The following GPC3 variants were observed in gnomAD, a reference collection of about 807,000 sequenced individuals.
GPC3 encodes glypican-3.
A neutral mutation model predicts 34.4 loss-of-function variants in GPC3; 3 were observed. That is an observed-to-expected ratio of 0.09 (90% CI 0.04 to 0.23). GPC3 has a LOEUF of 0.23. GPC3 is among the 10% of genes least tolerant of loss of function. The pLI is 1.00. For missense variants in GPC3, 351 were observed against 445.6 expected, an observed-to-expected ratio of 0.79 and a Z score of 1.91; for synonymous variants, 177 against 174.0, an observed-to-expected ratio of 1.02 and a Z score of -0.13.
intron 7 of GPC3, among the ~76,000 whole-genome samples, chrX:133,554,049 G>C (rs111647140): frequency 0.055 from 5,766 of 105,200 alleles, 420 homozygotes; most frequent in African/African-American, 0.19. Context: ...GAGTCTTACT[G>C]TGTCGCCAGG....
Position 133,795,452 on chromosome X carries a change from G to C in GPC3, c.338-41276C>G, listed in dbSNP as rs762154697. Among the ~76,000 whole-genome samples, 3 of 111,539 alleles carry C rather than the reference G, an allele frequency of 2.7e-5. No homozygotes were observed. In the East Asian group the frequency reaches 8.5e-4, roughly 32 times the overall value. On this transcript the variant is annotated intron_variant, in intron 2 of 7. Coordinates refer to ENST00000370818, the MANE Select transcript of GPC3 (RefSeq NM_004484.4). Reference sequence around the variant, plus strand: ...GTCCCAATTCCAAATTCATGTTGCAGTGCCTGGTCAAGGTGGGGCGAGACA... The same window carrying C: ...GTCCCAATTCCAAATTCATGTTGCACTGCCTGGTCAAGGTGGGGCGAGACA...
chrX:133,642,772 C>CAA lies in GPC3; in HGVS notation c.1413+18956_1413+18957dup, dbSNP rs375514321. 1.5e-3 allele frequency among the ~76,000 whole-genome samples: 38 copies of CAA among 25,536 alleles called. No individual in the cohort carries two copies. The South Asian group carries it at 0.018, about 12-fold the overall frequency. 22.2% of individuals were successfully genotyped at this position (25,536 alleles called of 115,157 possible). A position where few individuals can be genotyped will look rare whatever the true frequency, so the allele number is the denominator to read the frequency against. Reference sequence around the variant, plus strand: ...GGGCAACAAGAGTGAAACTACGTCTCAAAAAAAAAAAAAAAAAAAAAGAAA... The same window carrying CAA: ...GGGCAACAAGAGTGAAACTACGTCTCAAAAAAAAAAAAAAAAAAAAAAAGAAA... On this transcript the variant is annotated intron_variant, in intron 6 of 7. Transcript: ENST00000370818.
chrX:133,977,678 G>C (rs2076522316), intron 1 of GPC3, among the ~76,000 whole-genome samples: 1 of 111,892 alleles, frequency 8.9e-6, no homozygotes, highest in Admixed American at 9.5e-5. Context: ...AAGGAGAAGA[G>C]TATGCAAATA....
intron 2 of GPC3, among the ~76,000 whole-genome samples, chrX:133,793,321 G>A (rs1489839748): frequency 8.9e-6 from 1 of 111,752 alleles, no homozygotes; most frequent in African/African-American, 3.3e-5. Flanking sequence ...TAATGTGTAT[G>A]GGCATATGCA....
intron 2 of GPC3, among the ~76,000 whole-genome samples, chrX:133,803,978 C>CCACACACACA (rs10571712): frequency 4.2e-5 from 4 of 94,295 alleles, no homozygotes; most frequent in African/African-American, 1.6e-4. Context: ...TGAGATAAAT[C>CCACACACACA]CACACACACA....
At chrX:133,860,115 A>C (rs1307860169) in intron 2 of GPC3, among the ~76,000 whole-genome samples, 1 of 111,724 alleles carries the variant, frequency 9.0e-6, no homozygotes, top group Non-Finnish European at 1.9e-5. Context: ...CAACTCTAAC[A>C]CGGGATCAGA....
chrX:133,845,014 G>T (rs1399093037), intron 2 of GPC3, among the ~76,000 whole-genome samples: 2 of 111,553 alleles, frequency 1.8e-5, no homozygotes, highest in Non-Finnish European at 3.8e-5. Flanking sequence ...ACAGCAGAAG[G>T]AACAGAAATA....
At chrX:133,818,194 T>C (rs2124533075) in intron 2 of GPC3, among the ~76,000 whole-genome samples, 1 of 111,455 alleles carries the variant, frequency 9.0e-6, no homozygotes, top group East Asian at 2.8e-4. Context: ...AGTGGTATGG[T>C]CCAAGATCAA....
chrX:133,861,625 C>T (rs1436774971), intron 2 of GPC3, among the ~76,000 whole-genome samples: 1 of 111,482 alleles, frequency 9.0e-6, no homozygotes. Context: ...GAAATGTAAT[C>T]CCTAGTGTTG....
intron 2 of GPC3, among the ~76,000 whole-genome samples, chrX:133,943,268 G>A (rs2076352335): frequency 8.9e-6 from 1 of 112,230 alleles, no homozygotes; most frequent in Non-Finnish European, 1.9e-5. Context: ...TACGTAACTA[G>A]TGAGTAACAA....
intron 2 of GPC3, among the ~76,000 whole-genome samples, chrX:133,911,382 C>T (rs181282108): frequency 1.9e-4 from 21 of 112,107 alleles, no homozygotes; most frequent in Admixed American, 1.1e-3. Context: ...GGTTAACATC[C>T]TGGAAAACAC....
At chrX:133,615,822 T>C (rs1398429220) in intron 6 of GPC3, among the ~76,000 whole-genome samples, 2 of 108,800 alleles carry the variant, frequency 1.8e-5, no homozygotes, top group African/African-American at 6.7e-5. Flanking sequence ...ATTATCACAA[T>C]AGATGCAGAA....
chrX:133,932,334 A>C (rs944758562), intron 2 of GPC3, among the ~76,000 whole-genome samples: 1 of 112,202 alleles, frequency 8.9e-6, no homozygotes, highest in Non-Finnish European at 1.9e-5. Context: ...GAAAACCATA[A>C]GGGTAAAGCT....
intron 2 of GPC3, among the ~76,000 whole-genome samples, chrX:133,782,567 T>C (rs1365329905): frequency 8.9e-6 from 1 of 112,052 alleles, no homozygotes; most frequent in Non-Finnish European, 1.9e-5. Flanking sequence ...CTCTTGTTCT[T>C]TTCATTTTTC....
At chrX:133,660,077 TTTA>T (rs2070703093) in intron 6 of GPC3, among the ~76,000 whole-genome samples, 1 of 111,951 alleles carries the variant, frequency 8.9e-6, no homozygotes, top group Non-Finnish European at 1.9e-5. Context: ...CTAACAGCTA[TTTA>T]TTAAGTGCTC....
intron 7 of GPC3, among the ~76,000 whole-genome samples, chrX:133,580,490 A>G (rs2069722871): frequency 8.9e-6 from 1 of 111,789 alleles, no homozygotes; most frequent in Non-Finnish European, 1.9e-5. Flanking sequence ...GGAGAAGGAA[A>G]GCTAGAACAA....
chrX:133,692,493 C>T lies in GPC3; in HGVS notation c.1168G>A (p.Glu390Lys). 1 of 1,205,455 alleles carries T rather than the reference C, an allele frequency of 8.3e-7. No individual in the cohort carries two copies. The highest frequency in any genetic ancestry group is 1.1e-6 in the Non-Finnish European group (1 of 890,008). Residue 390 changes from glutamate to lysine, a missense_variant and splice_region_variant, in exon 5 of 8, where the codon GAA becomes AAA. Physicochemically the swap from Glu to Lys is moderately conservative, Grantham distance 56 (BLOSUM62 1). Transcript: ENST00000370818. Reference sequence around the variant, plus strand: ...AAAGACTTCAACTTCTGAATTAGTTCCCTAAAAGAAAAACAAAACATCTGT... The same window carrying T: ...AAAGACTTCAACTTCTGAATTAGTTTCCTAAAAGAAAAACAAAACATCTGT... ...HEETLSSRRRELIQKLKSFIS... is the reference protein window; with the variant it reads ...HEETLSSRRRKLIQKLKSFIS...
intron 3 of GPC3, among the ~76,000 whole-genome samples, chrX:133,701,766 A>G (rs149338489): frequency 1.2e-3 from 135 of 111,862 alleles, no homozygotes; most frequent in African/African-American, 4.3e-3. Flanking sequence ...CAGCTTCTGG[A>G]TTTCTCAAGA....
chrX:133,698,160 G>A (rs2071133602), intron 4 of GPC3, among the ~76,000 whole-genome samples: 1 of 111,951 alleles, frequency 8.9e-6, no homozygotes, highest in Non-Finnish European at 1.9e-5. Flanking sequence ...AGTATCATAA[G>A]GGAAGCAGTG....
Sources: gnomAD v4.1 joint callset for allele counts (sites outside exome capture counted in the v4.1 genomes callset) on GRCh38, gnomAD v4.1.1 for gene constraint, MANE v1.5 for transcripts, NCBI Gene and HGNC (gene_info 2026-07-23, HGNC 2026-07-21) for gene names.